The following ABCB5 variants were observed in gnomAD, a reference collection of about 807,000 sequenced individuals.
ABCB5 encodes ATP-binding cassette sub-family B member 5.
ABCB5 carries 155 observed loss-of-function variants against 144.2 expected under a neutral mutation model. That is an observed-to-expected ratio of 1.08 (90% CI 0.94 to 1.23). The LOEUF (loss-of-function observed/expected upper bound fraction) is 1.23, where lower values mean the gene tolerates loss of function less well. ABCB5 is among the 50% of genes most tolerant of loss of function. The probability of loss-of-function intolerance (pLI) is 0.00; values close to 1 mark genes in which losing one functional copy is unlikely to be tolerated. For missense variants in ABCB5, 1,830 were observed against 1,520.8 expected, an observed-to-expected ratio of 1.20 and a Z score of -3.38; for synonymous variants, 610 against 528.6, an observed-to-expected ratio of 1.15 and a Z score of -2.11.
chr7:20,629,397 G>A (rs1278692781), intron 4 of ABCB5, among the ~76,000 whole-genome samples: 1 of 152,122 alleles, frequency 6.6e-6, no homozygotes. Flanking sequence ...TATCAGAAGT[G>A]GTGATTACAT....
At chr7:20,636,997 A>T (rs1784173619) in intron 5 of ABCB5, among the ~76,000 whole-genome samples, 1 of 152,178 alleles carries the variant, frequency 6.6e-6, no homozygotes, top group Non-Finnish European at 1.5e-5. Context: ...AAATACGGAT[A>T]GTAAAGGCTT....
At chr7:20,621,386 G>A (rs1171688872) in intron 1 of ABCB5, among the ~76,000 whole-genome samples, 11 of 152,048 alleles carry the variant, frequency 7.2e-5, no homozygotes, top group African/African-American at 2.7e-4. Context: ...GTTAAATTTT[G>A]TTATGTATAT....
At chr7:20,730,984 T>C (rs145043088) in intron 23 of ABCB5, among the ~76,000 whole-genome samples, 31 of 152,308 alleles carry the variant, frequency 2.0e-4, no homozygotes, top group Non-Finnish European at 4.0e-4. Flanking sequence ...TTCCAAATTC[T>C]CACAGAAGAA....
chr7:20,634,175 T>C (rs1281192553), intron 5 of ABCB5, among the ~76,000 whole-genome samples: 1 of 59,276 alleles, frequency 1.7e-5, no homozygotes, highest in Non-Finnish European at 3.0e-5. Context: ...GATCCATCCA[T>C]GTTGCTGCAA....
At chr7:20,721,455 A>G (rs1477367267) in intron 20 of ABCB5, among the ~76,000 whole-genome samples, 2 of 152,208 alleles carry the variant, frequency 1.3e-5, no homozygotes, top group Non-Finnish European at 2.9e-5. Context: ...ACCTTTATAT[A>G]TTAGCTCCAA....
intron 2 of ABCB5, 41 bp downstream of exon 2, chr7:20,623,379 T>C: frequency 4.8e-6 from 7 of 1,465,694 alleles, no homozygotes; most frequent in Non-Finnish European, 6.5e-6. Context: ...TTCCACAACT[T>C]CAAATATAAC....
chr7:20,640,338 C>T (rs192261122), intron 5 of ABCB5, among the ~76,000 whole-genome samples: 1 of 152,232 alleles, frequency 6.6e-6, no homozygotes, highest in East Asian at 1.9e-4. Context: ...TAATACACAA[C>T]CTCACTTTAT....
Position 20,643,579 on chromosome 7 carries a change from G to C in ABCB5, c.625G>C (p.Val209Leu). ...GLVKGWKLTL[V>L]TLSTSPLIMA... is the part of the protein sequence containing the mutation. ...GGTGAAGGGCTGGAAACTCACCCTA[G>C]TGACTCTATCCACGTCTCCTCTTAT... Residue 209 changes from valine to leucine, a missense_variant, in exon 7 of 28, where the codon GTG becomes CTG. By Grantham distance (32) the Val-to-Leu change is conservative (BLOSUM62 1). Transcript: ENST00000404938. The C allele has an allele frequency of 1.2e-6, 2 of 1,613,944 alleles. No homozygotes were observed. Among genetic ancestry groups the C allele is most frequent in the South Asian group, 2.2e-5 (2 of 91,078 alleles).
In ABCB5 at chr7:20,648,138, G is replaced by C. The variant is rs753918267; in HGVS notation, c.1206+60G>C. 1.8e-4 allele frequency: 186 copies of C among 1,025,470 alleles called. 1 individual carries two copies. In the Middle Eastern group the frequency reaches 4.6e-3, roughly 25 times the overall value. The allele number at this position is 1,025,470 out of a possible 1,614,324, so 63.5% of individuals were successfully genotyped here. On this transcript the variant is annotated intron_variant, in intron 11 of 27. Transcript: ENST00000404938. ...TCTGATATTATCTTCTACTGGCCAA[G>C]ATCTTCTCTGACATGATTACTTAGG...
At chr7:20,643,123 A>T in intron 5 of ABCB5, 61 bp from the exon 6 acceptor site, 1 of 1,397,062 alleles carries the variant, frequency 7.2e-7, no homozygotes, top group Non-Finnish European at 9.8e-7. Flanking sequence ...TCGATTTTTT[A>T]TGTGTGTAAC....
At chr7:20,627,943 T>G (rs1481346807) in intron 3 of ABCB5, among the ~76,000 whole-genome samples, 4 of 152,202 alleles carry the variant, frequency 2.6e-5, no homozygotes, top group African/African-American at 4.8e-5. Flanking sequence ...AGTTTCTGAT[T>G]CATACCCACA....
chr7:20,654,810 A>G (rs1784718426), intron 13 of ABCB5, among the ~76,000 whole-genome samples: 1 of 152,164 alleles, frequency 6.6e-6, no homozygotes, highest in East Asian at 1.9e-4. Context: ...AGTATTTGTG[A>G]GATATAGTTA....
intron 26 of ABCB5, among the ~76,000 whole-genome samples, chr7:20,752,833 G>A (rs1782973592): frequency 2.6e-5 from 4 of 152,112 alleles, no homozygotes; most frequent in Admixed American, 2.6e-4. Context: ...GTAACAGAGC[G>A]AGACACGGTC....
Position 20,713,430 on chromosome 7 carries a change from C to T in ABCB5, c.2421+8623C>T, listed in dbSNP as rs925483020. The stretch of plus-strand genomic sequence containing the variant: ...TTTTTTAATTTTGTAGAGACAGGGT[C>T]TCACTGTGTTGTCCAGGCTGGTCTT... On this transcript the variant is annotated intron_variant, in intron 20 of 27. Coordinates refer to ENST00000404938, the MANE Select transcript of ABCB5 (RefSeq NM_001163941.2). Among the ~76,000 whole-genome samples the T allele has an allele frequency of 8.7e-5, 13 of 149,030 alleles. 1 individual carries two copies. In the East Asian group the frequency reaches 1.8e-3, roughly 21 times the overall value.
intron 14 of ABCB5, among the ~76,000 whole-genome samples, chr7:20,679,655 G>C (rs1321665740): frequency 6.6e-6 from 1 of 152,112 alleles, no homozygotes; most frequent in East Asian, 1.9e-4. Context: ...ATTCACAAGA[G>C]AGAATATCCA....
At chr7:20,655,365 C>T (rs376788298) in intron 13 of ABCB5, among the ~76,000 whole-genome samples, 2 of 151,934 alleles carry the variant, frequency 1.3e-5, no homozygotes, top group Non-Finnish European at 2.9e-5. Flanking sequence ...CCCAGCTACT[C>T]GAAAGGCTGA....
intron 19 of ABCB5, among the ~76,000 whole-genome samples, chr7:20,703,894 G>A (rs1786720166): frequency 6.6e-6 from 1 of 152,062 alleles, no homozygotes; most frequent in African/African-American, 2.4e-5. Context: ...GAGTTTCACA[G>A]CCTTCTGCCC....
chr7:20,724,437 G>A (rs1041396815), intron 21 of ABCB5, among the ~76,000 whole-genome samples: 3 of 151,862 alleles, frequency 2.0e-5, no homozygotes, highest in African/African-American at 7.3e-5. Flanking sequence ...AAACCAGCCT[G>A]GCCAACATAA....
At position 20,636,551 on chromosome 7, in the gene ABCB5, G is replaced by C. The variant is rs147845397; in HGVS notation, c.314+4438G>C. 5.7e-4 allele frequency among the ~76,000 whole-genome samples: 86 copies of C among 152,056 alleles called. 2 individuals carry two copies. The East Asian group carries it at 8.3e-3, about 15-fold the overall frequency. ...TGTAATCCCAACATTTTAGGAGGCT[G>C]AGGCAGGCAGATCACTTGAGGTCAG... is the stretch of plus-strand genomic sequence containing the variant. On this transcript the variant is annotated intron_variant, in intron 5 of 27. Coordinates refer to ENST00000404938, the MANE Select transcript of ABCB5 (RefSeq NM_001163941.2).
Sources: gnomAD v4.1 joint callset for allele counts (sites outside exome capture counted in the v4.1 genomes callset) on GRCh38, gnomAD v4.1.1 for gene constraint, MANE v1.5 for transcripts, NCBI Gene and HGNC (gene_info 2026-07-23, HGNC 2026-07-21) for gene names.